LGSN: variants seen among roughly 807,000 people sequenced by gnomAD.
LGSN encodes the protein lengsin.
LGSN carries 21 observed loss-of-function variants against 19.5 expected under a neutral mutation model. The ratio of observed to expected loss-of-function variants is 1.07; its 90% CI spans 0.76 to 1.55. LGSN has a LOEUF of 1.55. LGSN is among the 40% of genes most tolerant of loss of function. LGSN has a pLI of 0.00. For synonymous variants in LGSN, 257 were observed against 215.6 expected (o/e 1.19, Z -1.68); for missense variants, 673 against 608.5 (o/e 1.11, Z -1.12).
chr6:63,357,650 A>T, the LGSN span, among the ~76,000 whole-genome samples: 7 of 152,162 alleles, frequency 4.6e-5, no homozygotes, highest in African/African-American at 1.7e-4. Context: ...GTGTCTATTC[A>T]TATCCTTTGC....
chr6:63,442,134 C>A, the LGSN span, among the ~76,000 whole-genome samples: 1 of 152,026 alleles, frequency 6.6e-6, no homozygotes, highest in Admixed American at 6.6e-5. Context: ...TCCTCATGTC[C>A]GGAGTTGTTG....
intron 3 of LGSN, among the ~76,000 whole-genome samples, chr6:63,284,086 T>TA (rs1767433495): frequency 6.6e-6 from 1 of 152,190 alleles, no homozygotes; most frequent in Non-Finnish European, 1.5e-5. Flanking sequence ...ATTGTGCTAA[T>TA]ACTCATTATT....
In LGSN at chr6:63,280,339, C is replaced by T. The variant is rs141116378; in HGVS notation, c.1212G>A (p.Arg404=). Residue 404 remains arginine, a synonymous_variant, in exon 4 of 4, where the codon CGG becomes CGA. Transcript: ENST00000370657. Reference sequence around the variant, plus strand: ...TTGCTGAGCCTAGTTTATTTTCTATCCGGGTGCCTTTCTCTCCATGACATT... The same window carrying T: ...TTGCTGAGCCTAGTTTATTTTCTATTCGGGTGCCTTTCTCTCCATGACATT... ...NIKCHGEKGT[R]IENKLGSATA... The T allele has an allele frequency of 3.1e-6, 5 of 1,614,080 alleles. No individual in the cohort carries two copies. The African/African-American group carries it at 6.7e-5, about 22-fold the overall frequency.
chr6:63,322,297 C>A (rs1769102740), upstream of LGSN, among the ~76,000 whole-genome samples: 1 of 152,136 alleles, frequency 6.6e-6, no homozygotes, highest in African/African-American at 2.4e-5. Flanking sequence ...GTCTTCCCAG[C>A]ACTAACTGAT....
the LGSN span, among the ~76,000 whole-genome samples, chr6:63,424,481 G>A: frequency 6.7e-6 from 1 of 148,250 alleles, no homozygotes; most frequent in Non-Finnish European, 1.5e-5. Context: ...ATTTTATAAT[G>A]CTAGTATTGT....
At chr6:63,299,443 T>C (rs1768102079) in intron 1 of LGSN, among the ~76,000 whole-genome samples, 1 of 152,196 alleles carries the variant, frequency 6.6e-6, no homozygotes, top group Non-Finnish European at 1.5e-5. Flanking sequence ...GAGCAAAAGA[T>C]GGTACAATAT....
At chr6:63,345,499 C>T in the LGSN span, among the ~76,000 whole-genome samples, 1 of 152,086 alleles carries the variant, frequency 6.6e-6, no homozygotes, top group African/African-American at 2.4e-5. Flanking sequence ...ATGATGAGAC[C>T]TGTCTTGGGA....
At chr6:63,344,391 A>T in the LGSN span, among the ~76,000 whole-genome samples, 6 of 152,250 alleles carry the variant, frequency 3.9e-5, no homozygotes, top group Non-Finnish European at 8.8e-5. Context: ...ATATACCAAG[A>T]TATTCTGAAG....
the LGSN span, among the ~76,000 whole-genome samples, chr6:63,350,718 A>G: frequency 1.3e-5 from 2 of 152,184 alleles, no homozygotes; most frequent in African/African-American, 4.8e-5. Flanking sequence ...TGGACATGGC[A>G]GCGCACACCT....
chr6:63,537,042 A>G, the LGSN span, among the ~76,000 whole-genome samples: 4 of 152,106 alleles, frequency 2.6e-5, no homozygotes, highest in African/African-American at 9.6e-5. Context: ...TAAAATTAAA[A>G]TTAAATATTT....
chr6:63,331,743 T>G, the LGSN span, among the ~76,000 whole-genome samples: 2 of 152,138 alleles, frequency 1.3e-5, no homozygotes, highest in Admixed American at 6.5e-5. Context: ...CCAGACCACA[T>G]GGAGGACCGA....
At chr6:63,537,868 G>C in the LGSN span, among the ~76,000 whole-genome samples, 75,442 of 151,994 alleles carry the variant, frequency 0.5, 19,468 homozygotes, top group African/African-American at 0.63. Context: ...GGCCACGGCC[G>C]TAGTGAGAGA....
At chr6:63,432,847 G>A in the LGSN span, among the ~76,000 whole-genome samples, 2 of 152,106 alleles carry the variant, frequency 1.3e-5, no homozygotes, top group Admixed American at 6.6e-5. Flanking sequence ...TACACTTCTA[G>A]GAAAAGATGA....
chr6:63,280,007 T>A lies in LGSN; in HGVS notation c.*14A>T, dbSNP rs1334841308. ...AACAATTACATGTCTAAAGGAGTAG[T>A]TGTGAGCTCTATTCTAAATAAAATA... is the stretch of plus-strand genomic sequence containing the variant. On this transcript the variant is annotated 3_prime_UTR_variant, in exon 4 of 4. Transcript: ENST00000370657. 6.4e-7 allele frequency: 1 copy of A among 1,568,010 alleles called. No homozygotes were observed. The highest frequency in any genetic ancestry group is 1.9e-5 in the Admixed American group (1 of 53,794).
At chr6:63,432,084 A>AGAAG in the LGSN span, among the ~76,000 whole-genome samples, 64 of 133,754 alleles carry the variant, frequency 4.8e-4, 2 homozygotes, top group South Asian at 1.5e-3. Context: ...CGAAAGAAAA[A>AGAAG]GAAGGAAAGA....
In LGSN at chr6:63,280,618, T is replaced by C. The variant is rs1483522391; in HGVS notation, c.933A>G (p.Ser311=). Residue 311 remains serine, a synonymous_variant, in exon 4 of 4, where the codon TCA becomes TCG. Coordinates refer to ENST00000370657, the MANE Select transcript of LGSN (RefSeq NM_016571.3). ...SFFIETGFCD[S]GILSHSLWDV... Reference sequence around the variant, plus strand: ...CCCAGAGACTATGAGACAAAATCCCTGAATCACAAAATCCAGTCTCAATGA... The same window carrying C: ...CCCAGAGACTATGAGACAAAATCCCCGAATCACAAAATCCAGTCTCAATGA... 1.9e-6 allele frequency: 3 copies of C among 1,613,972 alleles called. No individual in the cohort carries two copies. The highest frequency in any genetic ancestry group is 8.5e-7 in the Non-Finnish European group (1 of 1,180,044).
the LGSN span, among the ~76,000 whole-genome samples, chr6:63,505,577 G>GAGAAAGAAAGAAAGAA: frequency 7.1e-4 from 13 of 18,186 alleles, no homozygotes; most frequent in African/African-American, 3.3e-3. Flanking sequence ...AAGAAAGAAA[G>GAGAAAGAAAGAAAGAA]AAAGAAAGAA....
At chr6:63,540,617 C>T in the LGSN span, among the ~76,000 whole-genome samples, 1 of 149,522 alleles carries the variant, frequency 6.7e-6, no homozygotes, top group African/African-American at 2.5e-5. Context: ...AGATAGAGAC[C>T]CTGTATCACA....
At chr6:63,290,839 A>G (rs1192058373) in intron 2 of LGSN, among the ~76,000 whole-genome samples, 3 of 152,346 alleles carry the variant, frequency 2.0e-5, no homozygotes, top group East Asian at 3.9e-4. Context: ...TTTGGGCCAT[A>G]GTCTGTTGCT....
Sources: gnomAD v4.1 joint callset for allele counts (sites outside exome capture counted in the v4.1 genomes callset) on GRCh38, gnomAD v4.1.1 for gene constraint, MANE v1.5 for transcripts, NCBI Gene and HGNC (gene_info 2026-07-23, HGNC 2026-07-21) for gene names.